The following KCNH5 variants were observed in gnomAD, a reference collection of about 807,000 sequenced individuals.
KCNH5 encodes the protein potassium voltage-gated channel subfamily H member 5, also known as voltage-gated delayed rectifier potassium channel KCNH5.
In KCNH5, 46 loss-of-function variants were observed where a neutral mutation model predicts 96.1. The ratio of observed to expected loss-of-function variants is 0.48; its 90% CI spans 0.38 to 0.61. The LOEUF (loss-of-function observed/expected upper bound fraction) is 0.61, where lower values mean the gene tolerates loss of function less well. Among genes scored for constraint, KCNH5 ranks in the 20% least tolerant of loss-of-function variants. The probability of loss-of-function intolerance (pLI) is 0.00; values close to 1 mark genes in which losing one functional copy is unlikely to be tolerated. For synonymous variants in KCNH5, 439 were observed against 449.8 expected (o/e 0.98, Z 0.30); for missense variants, 907 against 1,225.8 (o/e 0.74, Z 3.88).
At chr14:62,784,255 C>T (rs1179237679) in intron 9 of KCNH5, among the ~76,000 whole-genome samples, 1 of 152,184 alleles carries the variant, frequency 6.6e-6, no homozygotes, top group East Asian at 1.9e-4. Flanking sequence ...ACCATGAGAA[C>T]AGTATGGGGG....
In KCNH5 at chr14:63,003,620, A is replaced by T. The variant is rs868596653; in HGVS notation, c.305-2161T>A. Among the ~76,000 whole-genome samples, 319 of 114,296 alleles carry T rather than the reference A, an allele frequency of 2.8e-3. 9 individuals are homozygous for T. The highest frequency in any genetic ancestry group is 0.011 in the African/African-American group (298 of 27,650). 75.0% of individuals were successfully genotyped at this position (114,296 alleles called of 152,430 possible). A position where few individuals can be genotyped will look rare whatever the true frequency, so the allele number is the denominator to read the frequency against. On this transcript the variant is annotated intron_variant, in intron 3 of 10. Transcript: ENST00000322893. ...TATATATTTATATTTATATATATAT[A>T]TATATTTTTTTTTTTTTGAGACGGA...
intron 8 of KCNH5, among the ~76,000 whole-genome samples, chr14:62,818,103 T>TGGGGGGGGG (rs71120236): frequency 2.5e-5 from 1 of 39,934 alleles, no homozygotes; most frequent in Non-Finnish European, 4.7e-5. Flanking sequence ...TACCAGGAGC[T>TGGGGGGGGG]GGGGGCGGGG....
chr14:62,905,517 TG>T (rs1451165596), intron 7 of KCNH5, among the ~76,000 whole-genome samples: 1 of 152,168 alleles, frequency 6.6e-6, no homozygotes, highest in Non-Finnish European at 1.5e-5. Context: ...GGGAGAAGGA[TG>T]ACAAATGTTA....
At chr14:62,919,349 T>C (rs1889337404) in intron 7 of KCNH5, among the ~76,000 whole-genome samples, 1 of 152,182 alleles carries the variant, frequency 6.6e-6, no homozygotes, top group Non-Finnish European at 1.5e-5. Flanking sequence ...CTAGAGATAA[T>C]ATTTTAATAA....
chr14:62,895,555 A>T (rs1888794140), intron 7 of KCNH5, among the ~76,000 whole-genome samples: 1 of 151,778 alleles, frequency 6.6e-6, no homozygotes, highest in African/African-American at 2.4e-5. Context: ...CTGGTCTCAA[A>T]CTCCTGACCT....
intron 7 of KCNH5, among the ~76,000 whole-genome samples, chr14:62,918,013 T>C (rs1188688416): frequency 3.3e-5 from 5 of 152,186 alleles, no homozygotes; most frequent in Admixed American, 1.3e-4. Context: ...GATCCTGGTA[T>C]AGAGTCATGA....
At chr14:62,781,529 C>T (rs536316243) in intron 9 of KCNH5, among the ~76,000 whole-genome samples, 15 of 152,252 alleles carry the variant, frequency 9.9e-5, no homozygotes, top group African/African-American at 2.4e-4. Flanking sequence ...CCGTAAGAGA[C>T]GGCCACGCCC....
intron 2 of KCNH5, among the ~76,000 whole-genome samples, chr14:63,009,434 A>C (rs986236716): frequency 1.3e-5 from 2 of 152,208 alleles, no homozygotes. Context: ...AAAGGCACTT[A>C]AGAAAAATAA....
At chr14:62,961,986 T>G (rs548206473) in intron 6 of KCNH5, among the ~76,000 whole-genome samples, 1 of 150,318 alleles carries the variant, frequency 6.7e-6, no homozygotes. Flanking sequence ...CAGATAGAGA[T>G]GCAGATGCAG....
chr14:62,736,655 C>T (rs777693940), intron 10 of KCNH5, among the ~76,000 whole-genome samples: 26 of 152,156 alleles, frequency 1.7e-4, no homozygotes, highest in Non-Finnish European at 3.2e-4. Flanking sequence ...CGTAAAACTT[C>T]TTCCTCACAC....
intron 7 of KCNH5, among the ~76,000 whole-genome samples, chr14:62,905,500 G>C (rs1041156974): frequency 5.9e-5 from 9 of 152,014 alleles, no homozygotes; most frequent in Non-Finnish European, 1.2e-4. Flanking sequence ...TTCATTGAGG[G>C]GGGCAGGGGA....
chr14:62,967,944 A>G (rs1189329960), intron 6 of KCNH5, among the ~76,000 whole-genome samples: 2 of 152,238 alleles, frequency 1.3e-5, no homozygotes, highest in African/African-American at 4.8e-5. Flanking sequence ...TATGTAAACA[A>G]GAAAATCAAA....
At chr14:62,803,407 C>G (rs1351649873) in intron 8 of KCNH5, among the ~76,000 whole-genome samples, 1 of 152,158 alleles carries the variant, frequency 6.6e-6, no homozygotes, top group Non-Finnish European at 1.5e-5. Flanking sequence ...TTTTTTCACT[C>G]TGAAGATTTT....
Position 62,853,483 on chromosome 14 carries a change from T to TATATATATATATC in KCNH5, c.1370-3632_1370-3631insGATATATATATAT, listed in dbSNP as rs937338465. Among the ~76,000 whole-genome samples, 3 of 128,524 alleles carry TATATATATATATC rather than the reference T, an allele frequency of 2.3e-5. 1 individual carries two copies. The highest frequency in any genetic ancestry group is 9.3e-5 in the African/African-American group (3 of 32,354). The allele number at this position is 128,524 out of a possible 152,430, so 84.3% of individuals were successfully genotyped here. Reference sequence around the variant, plus strand: ...TATATATATATATATATATATATCATATATATATATAATCTTGGCCACATA... The same window carrying TATATATATATATC: ...TATATATATATATATATATATATCATATATATATATATCATATATATATAATCTTGGCCACATA... On this transcript the variant is annotated intron_variant, in intron 7 of 10. Transcript: ENST00000322893.
rs1243380674 is a variant in KCNH5, at chr14:62,699,825, CTTTG to C, written c.*7679_*7682del. The C allele has an allele frequency of 6.6e-5, 10 of 152,198 alleles. No individual in the cohort carries two copies. Among genetic ancestry groups the C allele is most frequent in the Admixed American group, 3.9e-4 (6 of 15,292 alleles). The allele number at this position is 152,198 out of a possible 1,614,324, so 9.4% of individuals were successfully genotyped here. A position where few individuals can be genotyped will look rare whatever the true frequency, so the allele number is the denominator to read the frequency against. On this transcript the variant is annotated 3_prime_UTR_variant, in exon 11 of 11. Coordinates refer to ENST00000322893, the MANE Select transcript of KCNH5 (RefSeq NM_139318.5). ...ATTTCTATATTATACATTGCAGTAT[CTTTG>C]TTTAAGTAGAAAAAAGGATCTGCTT...
At position 62,899,833 on chromosome 14, in the gene KCNH5, C is replaced by CA. The variant is rs10544668; in HGVS notation, c.1370-49982dup. Among the ~76,000 whole-genome samples the CA allele has an allele frequency of 4.3e-3, 604 of 139,178 alleles. 1 individual carries two copies. The highest frequency in any genetic ancestry group is 6.3e-3 in the Non-Finnish European group (393 of 62,554). The allele number at this position is 139,178 out of a possible 152,430, so 91.3% of individuals were successfully genotyped here. A position where few individuals can be genotyped will look rare whatever the true frequency, so the allele number is the denominator to read the frequency against. Reference sequence around the variant, plus strand: ...TGGGCGACAGAGCGAGACTCCGTCTCAAAAAAAAAAAAAAAATTGAATTAA... The same window carrying CA: ...TGGGCGACAGAGCGAGACTCCGTCTCAAAAAAAAAAAAAAAAATTGAATTAA... On this transcript the variant is annotated intron_variant, in intron 7 of 10. Transcript: ENST00000322893.
At chr14:62,901,703 C>T (rs1181580116) in intron 7 of KCNH5, among the ~76,000 whole-genome samples, 1 of 152,162 alleles carries the variant, frequency 6.6e-6, no homozygotes, top group Non-Finnish European at 1.5e-5. Context: ...GTGCATGTGT[C>T]TTTTTGGTAG....
At chr14:63,017,567 TG>T (rs1891349072) in intron 1 of KCNH5, among the ~76,000 whole-genome samples, 1 of 151,822 alleles carries the variant, frequency 6.6e-6, no homozygotes, top group South Asian at 2.1e-4. Context: ...GAGATATTTT[TG>T]TTCTATTTTA....
chr14:63,017,034 C>T (rs1051784591), intron 1 of KCNH5, 80 bp from the exon 2 acceptor site: 17 of 1,378,252 alleles, frequency 1.2e-5, no homozygotes, highest in Non-Finnish European at 1.7e-5. Flanking sequence ...AAAAGGCAAA[C>T]TTATAAAGAT....
Sources: allele counts gnomAD v4.1 joint callset (sites outside exome capture counted in the v4.1 genomes callset), GRCh38; gene constraint gnomAD v4.1.1; transcripts MANE v1.5; gene names NCBI Gene and HGNC (gene_info 2026-07-23, HGNC 2026-07-21).